Variants in BMP6 observed in about 807,000 individuals in gnomAD.
BMP6 encodes the protein VG-1-R.
BMP6 carries 17 observed loss-of-function variants against 54.1 expected under a neutral mutation model. That is an observed-to-expected ratio of 0.31 (90% CI 0.22 to 0.47). The LOEUF (loss-of-function observed/expected upper bound fraction) is 0.47. Among genes scored for constraint, BMP6 ranks in the 20% least tolerant of loss-of-function variants. The pLI is 1.00. For synonymous variants in BMP6, 328 were observed against 291.2 expected, an observed-to-expected ratio of 1.13 and a Z score of -1.28; for missense variants, 720 against 690.4, an observed-to-expected ratio of 1.04 and a Z score of -0.48.
At chr6:7,800,759 A>G (rs991185280) in intron 1 of BMP6, among the ~76,000 whole-genome samples, 2 of 152,176 alleles carry the variant, frequency 1.3e-5, no homozygotes, top group African/African-American at 4.8e-5. Flanking sequence ...ACTTTGTTTT[A>G]CAAACCAACC....
intron 1 of BMP6, among the ~76,000 whole-genome samples, chr6:7,790,548 A>C (rs13197607): frequency 6.9e-6 from 1 of 145,000 alleles, no homozygotes; most frequent in African/African-American, 2.5e-5. Context: ...AAAAAAAAAG[A>C]CACACACATA....
intron 2 of BMP6, 112 bp from the exon 3 acceptor site, chr6:7,861,339 A>C: frequency 7.3e-7 from 1 of 1,370,386 alleles, no homozygotes; most frequent in Non-Finnish European, 1.0e-6. Context: ...TGTGCCTCAC[A>C]GGTAGATGTG....
At chr6:7,836,200 A>AT (rs34027007) in intron 1 of BMP6, among the ~76,000 whole-genome samples, 13,465 of 148,900 alleles carry the variant, frequency 0.09, 906 homozygotes, top group East Asian at 0.27. Context: ...TTTTAACATG[A>AT]TTTTTTTTTT....
chr6:7,765,040 T>C (rs1757665756), intron 1 of BMP6, among the ~76,000 whole-genome samples: 1 of 152,214 alleles, frequency 6.6e-6, no homozygotes, highest in South Asian at 2.1e-4. Flanking sequence ...TGGTCGAAAG[T>C]TTGAACTTTG....
At chr6:7,877,491 C>T (rs1291265320) in intron 4 of BMP6, among the ~76,000 whole-genome samples, 2 of 152,126 alleles carry the variant, frequency 1.3e-5, no homozygotes, top group Admixed American at 6.5e-5. Flanking sequence ...GGCATGGTGG[C>T]TCGCGCCTGT....
chr6:7,742,211 T>A (rs1323445039), intron 1 of BMP6, among the ~76,000 whole-genome samples: 1 of 152,232 alleles, frequency 6.6e-6, no homozygotes, highest in Non-Finnish European at 1.5e-5. Context: ...TAAATTTTTT[T>A]AAAGGCTTTG....
intron 1 of BMP6, among the ~76,000 whole-genome samples, chr6:7,785,723 G>C (rs1297453312): frequency 6.6e-6 from 1 of 152,036 alleles, no homozygotes; most frequent in South Asian, 2.1e-4. Context: ...TGGAGGGAGA[G>C]GACATGGCTG....
At chr6:7,857,298 G>T in intron 2 of BMP6, among the ~76,000 whole-genome samples, 1 of 152,126 alleles carries the variant, frequency 6.6e-6, no homozygotes, top group East Asian at 1.9e-4. Context: ...AACCTCATTT[G>T]CCCAGGATGA....
chr6:7,785,280 T>G (rs1435205680), intron 1 of BMP6, among the ~76,000 whole-genome samples: 1 of 152,224 alleles, frequency 6.6e-6, no homozygotes. Flanking sequence ...GTGCAAGGAA[T>G]TATTGCTGTA....
intron 1 of BMP6, among the ~76,000 whole-genome samples, chr6:7,841,614 T>C (rs1335550714): frequency 2.6e-5 from 4 of 151,980 alleles, no homozygotes. Context: ...GGCTGAGGTA[T>C]GATGAGGAGA....
At chr6:7,771,433 A>C (rs1757784608) in intron 1 of BMP6, among the ~76,000 whole-genome samples, 1 of 152,198 alleles carries the variant, frequency 6.6e-6, no homozygotes, top group African/African-American at 2.4e-5. Flanking sequence ...CCTTCACACA[A>C]AACCCTCATA....
chr6:7,767,187 C>T (rs1341080379), intron 1 of BMP6, among the ~76,000 whole-genome samples: 3 of 151,914 alleles, frequency 2.0e-5, no homozygotes, highest in African/African-American at 4.8e-5. Context: ...GGGGTTTCAC[C>T]GCGGTCTCGA....
At chr6:7,860,408 G>A (rs1759315948) in intron 2 of BMP6, among the ~76,000 whole-genome samples, 1 of 152,070 alleles carries the variant, frequency 6.6e-6, no homozygotes, top group Non-Finnish European at 1.5e-5. Context: ...GGAATCCCAG[G>A]CCATCTCATT....
chr6:7,869,847 G>A (rs774505891), intron 4 of BMP6, among the ~76,000 whole-genome samples: 2 of 152,180 alleles, frequency 1.3e-5, no homozygotes, highest in Non-Finnish European at 2.9e-5. Flanking sequence ...TGTGGAACGT[G>A]CACCTGCAAC....
chr6:7,866,107 G>C (rs988174680), intron 4 of BMP6, among the ~76,000 whole-genome samples: 1 of 152,212 alleles, frequency 6.6e-6, no homozygotes, highest in Non-Finnish European at 1.5e-5. Flanking sequence ...GGTTTGGATC[G>C]ACGTCTCCCT....
chr6:7,815,125 T>C (rs1407030386), intron 1 of BMP6, among the ~76,000 whole-genome samples: 2 of 152,200 alleles, frequency 1.3e-5, no homozygotes, highest in East Asian at 3.9e-4. Context: ...TCTCATGATA[T>C]GCCCAAGAAT....
At chr6:7,813,604 C>T (rs1241699717) in intron 1 of BMP6, among the ~76,000 whole-genome samples, 1 of 133,858 alleles carries the variant, frequency 7.5e-6, no homozygotes, top group East Asian at 2.2e-4. Context: ...GATCACACCA[C>T]TGCGCTCCAG....
rs1283620910 is a variant in BMP6, at chr6:7,879,215, G to A, written c.1281+65G>A. On this transcript the variant is annotated intron_variant, in intron 5 of 6. Coordinates refer to ENST00000283147, the MANE Select transcript of BMP6 (RefSeq NM_001718.6). ...GCAGTTTACTCTCATCTGAATGGTG[G>A]CAGCCATTACCAAACACCCAGAGCT... 2.7e-6 allele frequency: 4 copies of A among 1,501,564 alleles called. 1 individual carries two copies. Among genetic ancestry groups the A allele is most frequent in the East Asian group, 4.5e-5 (2 of 44,362 alleles). 93.0% of individuals were successfully genotyped at this position (1,501,564 alleles called of 1,614,324 possible). A position where few individuals can be genotyped will look rare whatever the true frequency, so the allele number is the denominator to read the frequency against.
intron 2 of BMP6, among the ~76,000 whole-genome samples, chr6:7,846,899 C>T (rs1430278423): frequency 6.6e-6 from 1 of 152,154 alleles, no homozygotes; most frequent in African/African-American, 2.4e-5. Flanking sequence ...GAATAACCTA[C>T]TGGTATCTTT....
Sources: allele counts gnomAD v4.1 joint callset (sites outside exome capture counted in the v4.1 genomes callset), GRCh38; gene constraint gnomAD v4.1.1; transcripts MANE v1.5; gene names NCBI Gene and HGNC (gene_info 2026-07-23, HGNC 2026-07-21).